The following TCOF1 variants were observed in gnomAD, a reference collection of about 807,000 sequenced individuals.
TCOF1 encodes treacle protein.
Under a neutral mutation model 149.0 loss-of-function variants are expected in TCOF1, and 33 were observed. The observed-to-expected ratio is 0.22, with a 90% CI of 0.17 to 0.30. The LOEUF (loss-of-function observed/expected upper bound fraction) is 0.30, where lower values mean the gene tolerates loss of function less well. Ranked by LOEUF, TCOF1 falls within the 10% of genes least tolerant of loss-of-function variation. The probability of loss-of-function intolerance (pLI) is 1.00; values close to 1 mark genes in which losing one functional copy is unlikely to be tolerated. For missense variants in TCOF1, 1,728 were observed against 1,840.7 expected (o/e 0.94, Z 1.12); for synonymous variants, 789 against 738.8 (o/e 1.07, Z -1.10).
At chr5:150,370,437 C>A (rs1220388282) in intron 6 of TCOF1, among the ~76,000 whole-genome samples, 1 of 152,228 alleles carries the variant, frequency 6.6e-6, no homozygotes, top group Non-Finnish European at 1.5e-5. Context: ...CTAGCTGCAA[C>A]TTCCACCTCC....
Position 150,369,474 on chromosome 5 carries a change from G to T in TCOF1, c.566-55G>T. On this transcript the variant is annotated intron_variant, in intron 5 of 26. Coordinates refer to ENST00000643257, the MANE Select transcript of TCOF1 (RefSeq NM_001371623.1). ...TGGTTTGTGGGGAGGTGCTGGGGAG[G>T]GGCAGGTGAGGCTGGAAAGGGAGTC... is the stretch of plus-strand genomic sequence containing the variant. 7 of 1,602,298 alleles carry T rather than the reference G, an allele frequency of 4.4e-6. No individual in the cohort carries two copies. In the South Asian group the frequency reaches 7.7e-5, roughly 18 times the overall value.
At chr5:150,376,643 C>T (rs142521634) in intron 14 of TCOF1, 23 bp downstream of exon 14, 1 of 1,550,812 alleles carries the variant, frequency 6.4e-7, no homozygotes, top group Non-Finnish European at 8.7e-7. Context: ...AGGAGCAGGC[C>T]CATCCCACCC....
Position 150,374,963 on chromosome 5 carries a change from T to G in TCOF1, c.1288T>G (p.Ser430Ala). The G allele has an allele frequency of 6.2e-7, 1 of 1,612,632 alleles. No homozygotes were observed. The highest frequency in any genetic ancestry group is 8.5e-7 in the Non-Finnish European group (1 of 1,179,704). ...EEEAPAQAKP[S>A]GKAPQVRAAS... ...CTGTTTCTCACTCCAGGCGAAGCCT[T>G]CAGGGAAGGCCCCCCAGGTCAGAGC... Residue 430 changes from serine to alanine, a missense_variant, in exon 10 of 27, where the codon TCA becomes GCA. Coordinates refer to ENST00000643257, the MANE Select transcript of TCOF1 (RefSeq NM_001371623.1).
chr5:150,390,051 C>T, intron 19 of TCOF1, 28 bp downstream of exon 19: 1 of 1,585,308 alleles, frequency 6.3e-7, no homozygotes, highest in Non-Finnish European at 8.6e-7. Flanking sequence ...GAGGGTAATG[C>T]AGGCCAGTGG....
intron 1 of TCOF1, among the ~76,000 whole-genome samples, chr5:150,359,232 A>T (rs1304327709): frequency 2.7e-5 from 4 of 150,410 alleles, no homozygotes; most frequent in African/African-American, 9.8e-5. Context: ...CTGTAGTCCC[A>T]GTTACTCGGG....
At position 150,383,875 on chromosome 5, in the gene TCOF1, A is replaced by AG. The variant is rs145904354; in HGVS notation, c.2860-4025dup. 68 of 1,544,862 alleles carry AG rather than the reference A, an allele frequency of 4.4e-5. No individual in the cohort carries two copies. In the African/African-American group the frequency reaches 8.8e-4, roughly 20 times the overall value. ...AGGCTACACCTCCAAGGGTGGGACC[A>AG]GGCCCACCTTATCTTCCTGTACTCC... On this transcript the variant is annotated intron_variant, in intron 17 of 26. Transcript: ENST00000643257.
intron 2 of TCOF1, among the ~76,000 whole-genome samples, chr5:150,362,670 C>T (rs575405348): frequency 6.6e-4 from 100 of 152,268 alleles, no homozygotes; most frequent in Admixed American, 2.7e-3. Context: ...ATTACAGCCT[C>T]TGGTGGAGAG....
chr5:150,395,706 A>T (rs1768341568), intron 23 of TCOF1, among the ~76,000 whole-genome samples: 1 of 151,886 alleles, frequency 6.6e-6, no homozygotes, highest in South Asian at 2.1e-4. Flanking sequence ...CCTTGCCTGG[A>T]CCCCCTGACC....
chr5:150,375,775 G>A lies in TCOF1; in HGVS notation c.1759G>A (p.Gly587Arg). The change falls in exon 12 of 27, where the codon GGG (glycine) becomes AGG (arginine). Residue 587 changes from glycine to arginine, a missense_variant. Physicochemically the swap from Gly to Arg is moderately radical, Grantham distance 125. Around this residue, in one of 2 missense-constraint regions of TCOF1, gnomAD observed 1,696 missense variants for 1,765.4 expected, o/e 0.96. Transcript: ENST00000643257. ...CAAACCCACCTCCAGTCCTGCCAAG[G>A]GGCCCCCTCAGAAGGCAGGGCCTGT... ...QAKPTSSPAK[G>R]PPQKAGPVAV... 6.2e-7 allele frequency: 1 copy of A among 1,614,264 alleles called. No homozygotes were observed.
intron 3 of TCOF1, among the ~76,000 whole-genome samples, chr5:150,365,857 C>T (rs1026483587): frequency 6.7e-6 from 1 of 150,250 alleles, no homozygotes; most frequent in African/African-American, 2.5e-5. Flanking sequence ...TGGCTCACAC[C>T]CACCGGTAAT....
intron 14 of TCOF1, among the ~76,000 whole-genome samples, chr5:150,377,289 T>C (rs535058911): frequency 6.6e-6 from 1 of 152,274 alleles, no homozygotes; most frequent in Admixed American, 6.5e-5. Context: ...GAGCCCTTAC[T>C]CTCCTATAAA....
intron 18 of TCOF1, among the ~76,000 whole-genome samples, chr5:150,388,451 T>C (rs1397024777): frequency 2.0e-5 from 3 of 152,142 alleles, no homozygotes; most frequent in East Asian, 3.8e-4. Context: ...GCATGTAAAG[T>C]AGGTTAGGCA....
intron 2 of TCOF1, among the ~76,000 whole-genome samples, chr5:150,363,843 A>G (rs1351311825): frequency 1.3e-5 from 2 of 152,204 alleles, no homozygotes; most frequent in Non-Finnish European, 1.5e-5. Context: ...AGCTCCTATC[A>G]CTTAAAGACT....
chr5:150,372,078 G>A lies in TCOF1; in HGVS notation c.712G>A (p.Ala238Thr), dbSNP rs776124819. The change falls in exon 7 of 27, where the codon GCG (alanine) becomes ACG (threonine). Residue 238 changes from alanine to threonine, a missense_variant. Around this residue, in one of 2 missense-constraint regions of TCOF1, gnomAD observed 1,696 missense variants for 1,765.4 expected, o/e 0.96. Coordinates refer to ENST00000643257, the MANE Select transcript of TCOF1 (RefSeq NM_001371623.1). ...VSTKESPARK[A>T]APAPGKVGDV... ...TACTAAGGAGTCTCCAGCAAGAAAGGCGGCCCCAGCCCCTGGGAAGGTGGG... is the reference window on the plus strand; with the variant it reads ...TACTAAGGAGTCTCCAGCAAGAAAGACGGCCCCAGCCCCTGGGAAGGTGGG... 6.2e-7 allele frequency: 1 copy of A among 1,614,242 alleles called. No homozygotes were observed. The highest frequency in any genetic ancestry group is 8.5e-7 in the Non-Finnish European group (1 of 1,180,050).
intron 17 of TCOF1, among the ~76,000 whole-genome samples, chr5:150,382,873 G>A (rs973853628): frequency 2.0e-5 from 3 of 152,192 alleles, no homozygotes; most frequent in Admixed American, 6.5e-5. Flanking sequence ...GAGCTAGCAG[G>A]GTGGAAGCAT....
Position 150,374,265 on chromosome 5 carries a change from G to T in TCOF1, c.962G>T (p.Gly321Val), listed in dbSNP as rs1554135341. The T allele has an allele frequency of 6.2e-7, 1 of 1,604,712 alleles. No homozygotes were observed. The highest frequency in any genetic ancestry group is 1.3e-5 in the African/African-American group (1 of 74,612). ...PGKGATPAPP[G>V]KAGAVASQTK... ...AAAGGGGCTACCCCAGCACCCCCTG[G>T]GAAGGCAGGGGCTGTAGCCTCCCAG... The change falls in exon 8 of 27, where the codon GGG becomes GTG. Residue 321 changes from glycine (G) to valine (V), a missense_variant. By Grantham distance (109) the Gly-to-Val change is moderately radical (BLOSUM62 -3). This residue lies in a region of TCOF1 where 1,696 missense variants were observed against 1,765.4 expected (regional missense o/e 0.96). Coordinates refer to ENST00000643257, the MANE Select transcript of TCOF1 (RefSeq NM_001371623.1).
chr5:150,382,396 C>T (rs1765417596), intron 17 of TCOF1, among the ~76,000 whole-genome samples: 2 of 152,158 alleles, frequency 1.3e-5, no homozygotes, highest in Admixed American at 6.5e-5. Flanking sequence ...ATTGTAGTTG[C>T]CCCATTTAAA....
chr5:150,372,571 G>C (rs1426787543), intron 7 of TCOF1, among the ~76,000 whole-genome samples: 1 of 152,206 alleles, frequency 6.6e-6, no homozygotes, highest in East Asian at 1.9e-4. Flanking sequence ...TAGCTAAAGG[G>C]AATCCAGTTC....
In TCOF1 at chr5:150,379,424, T is replaced by A. The variant is rs1205407995; in HGVS notation, c.2658+16T>A. 6.2e-7 allele frequency: 1 copy of A among 1,613,324 alleles called. No individual in the cohort carries two copies. The highest frequency in any genetic ancestry group is 8.5e-7 in the Non-Finnish European group (1 of 1,179,856). ...GCTGGCTCAGGTGAGGGGGAGGGAATGGAGATCATCCCCTACATGGGATGT... is the reference window on the plus strand; with the variant it reads ...GCTGGCTCAGGTGAGGGGGAGGGAAAGGAGATCATCCCCTACATGGGATGT... On this transcript the variant is annotated intron_variant, in intron 16 of 26. Transcript: ENST00000643257.
Sources: gnomAD v4.1 joint callset for allele counts (sites outside exome capture counted in the v4.1 genomes callset) on GRCh38, gnomAD v4.1.1 for gene constraint, gnomAD v4.1.1 regional missense constraint, MANE v1.5 for transcripts, NCBI Gene and HGNC (gene_info 2026-07-23, HGNC 2026-07-21) for gene names.